ENTREP2: variants seen among roughly 807,000 people sequenced by gnomAD.
ENTREP2 encodes protein ENTREP2.
chr15:29,343,660 C>G, the ENTREP2 span, among the ~76,000 whole-genome samples: 1 of 152,016 alleles, frequency 6.6e-6, no homozygotes, highest in Non-Finnish European at 1.5e-5. Context: ...CTGATTAACA[C>G]GGGAACACTT....
chr15:29,514,279 G>A, the ENTREP2 span, among the ~76,000 whole-genome samples: 3 of 152,222 alleles, frequency 2.0e-5, no homozygotes, highest in Non-Finnish European at 2.9e-5. Context: ...TCTGTCTCTA[G>A]GTGCCTCGTA....
At chr15:29,652,250 C>G in the ENTREP2 span, among the ~76,000 whole-genome samples, 1 of 152,174 alleles carries the variant, frequency 6.6e-6, no homozygotes, top group Non-Finnish European at 1.5e-5. Flanking sequence ...GAGGGGCCAC[C>G]CACCCCAGGG....
the ENTREP2 span, among the ~76,000 whole-genome samples, chr15:29,534,260 G>A: frequency 1.2e-4 from 19 of 152,080 alleles, no homozygotes; most frequent in Non-Finnish European, 2.4e-4. Flanking sequence ...TTTCTCGCTG[G>A]AGTGTCTGAG....
the ENTREP2 span, among the ~76,000 whole-genome samples, chr15:29,201,024 C>T: frequency 6.6e-6 from 1 of 152,154 alleles, no homozygotes; most frequent in Non-Finnish European, 1.5e-5. Context: ...TGTCCATATG[C>T]TATTAATATG....
chr15:29,255,170 A>G, the ENTREP2 span, among the ~76,000 whole-genome samples: 1 of 152,202 alleles, frequency 6.6e-6, no homozygotes, highest in Non-Finnish European at 1.5e-5. Context: ...CAGTAAGTCC[A>G]GGTTCCATTC....
At chr15:29,179,457 A>C in the ENTREP2 span, among the ~76,000 whole-genome samples, 1 of 152,156 alleles carries the variant, frequency 6.6e-6, no homozygotes, top group Non-Finnish European at 1.5e-5. Flanking sequence ...CCATTCTCTG[A>C]GTGGGATGGC....
At chr15:29,129,712 G>C in the ENTREP2 span, among the ~76,000 whole-genome samples, 1 of 152,120 alleles carries the variant, frequency 6.6e-6, no homozygotes, top group Non-Finnish European at 1.5e-5. Flanking sequence ...TAAGGGGAAG[G>C]CTATACCTCC....
chr15:29,136,478 G>A, the ENTREP2 span: 123 of 1,548,520 alleles, frequency 7.9e-5, no homozygotes, highest in Admixed American at 1.2e-4. Context: ...GAATGGAGAC[G>A]GAGCAAAGTC....
the ENTREP2 span, among the ~76,000 whole-genome samples, chr15:29,513,788 G>A: frequency 1.3e-5 from 2 of 152,264 alleles, no homozygotes; most frequent in Non-Finnish European, 2.9e-5. Flanking sequence ...GAGCACCTCC[G>A]AGTCCATGTC....
chr15:29,196,282 A>T, the ENTREP2 span: 2 of 853,776 alleles, frequency 2.3e-6, no homozygotes, highest in Non-Finnish European at 3.5e-6. Context: ...AATCCTTTCA[A>T]ATGTTCTCTG....
At chr15:29,534,887 G>A in the ENTREP2 span, among the ~76,000 whole-genome samples, 1 of 152,208 alleles carries the variant, frequency 6.6e-6, no homozygotes, top group East Asian at 1.9e-4. Flanking sequence ...ATAAGTGAAT[G>A]ACTGATACTG....
the ENTREP2 span, among the ~76,000 whole-genome samples, chr15:29,349,052 C>T: frequency 1.3e-5 from 2 of 152,170 alleles, no homozygotes; most frequent in African/African-American, 4.8e-5. Flanking sequence ...GGATGATGAA[C>T]GATTCACAGC....
the ENTREP2 span, among the ~76,000 whole-genome samples, chr15:29,646,605 T>G: frequency 6.6e-6 from 1 of 152,208 alleles, no homozygotes; most frequent in Admixed American, 6.5e-5. Context: ...AGGACTCGTG[T>G]AATTAGATTA....
the ENTREP2 span, among the ~76,000 whole-genome samples, chr15:29,661,831 A>G: frequency 6.6e-6 from 1 of 152,106 alleles, no homozygotes. Flanking sequence ...TTCAATACAA[A>G]CGTAGTCAGT....
the ENTREP2 span, among the ~76,000 whole-genome samples, chr15:29,412,020 T>C: frequency 5.3e-4 from 80 of 152,318 alleles, no homozygotes; most frequent in African/African-American, 1.8e-3. Context: ...TCCCCCCAAA[T>C]TCTTCAGGAG....
At chr15:29,401,298 T>C in the ENTREP2 span, among the ~76,000 whole-genome samples, 11 of 152,146 alleles carry the variant, frequency 7.2e-5, no homozygotes, top group Non-Finnish European at 1.3e-4. Flanking sequence ...GTTTTCTTAA[T>C]TTACAAAGAG....
At chr15:29,610,117 A>G in the ENTREP2 span, 1 of 150,638 alleles carries the variant, frequency 6.6e-6, no homozygotes, top group African/African-American at 2.4e-5. Context: ...TGGAGCTCAC[A>G]GTTCAGAGTG....
the ENTREP2 span, among the ~76,000 whole-genome samples, chr15:29,630,881 C>T: frequency 6.6e-6 from 1 of 152,150 alleles, no homozygotes; most frequent in Non-Finnish European, 1.5e-5. Context: ...CGGGATTTCA[C>T]CATGTTGGCC....
At chr15:29,435,345 C>T in the ENTREP2 span, among the ~76,000 whole-genome samples, 1 of 152,114 alleles carries the variant, frequency 6.6e-6, no homozygotes, top group African/African-American at 2.4e-5. Flanking sequence ...CAAATGAGGA[C>T]ACCCTCCTAA....
Sources: allele counts gnomAD v4.1 joint callset (sites outside exome capture counted in the v4.1 genomes callset), GRCh38; gene constraint gnomAD v4.1.1; transcripts MANE v1.5; gene names NCBI Gene and HGNC (gene_info 2026-07-23, HGNC 2026-07-21).